ASAP2: variants seen among roughly 807,000 people sequenced by gnomAD.
ASAP2 encodes ArfGAP with SH3 domain, ankyrin repeat and PH domain 2, also known as arf-GAP with SH3 domain, ANK repeat and PH domain-containing protein 2.
A neutral mutation model predicts 131.4 loss-of-function variants in ASAP2; 45 were observed. The ratio of observed to expected loss-of-function variants is 0.34; its 90% confidence interval spans 0.27 to 0.44. The LOEUF is 0.44. Ranked by LOEUF, ASAP2 falls within the 20% of genes least tolerant of loss-of-function variation. The pLI is 1.00. For synonymous variants in ASAP2, 510 were observed against 503.0 expected, an observed-to-expected ratio of 1.01 and a Z score of -0.19; for missense variants, 1,011 against 1,297.0, an observed-to-expected ratio of 0.78 and a Z score of 3.39.
At chr2:9,254,353 C>CTTT (rs777033631) in intron 1 of ASAP2, among the ~76,000 whole-genome samples, 1 of 103,962 alleles carries the variant, frequency 9.6e-6, no homozygotes, top group Non-Finnish European at 1.9e-5. Context: ...ATAAACTAAA[C>CTTT]TTTTTTTTTT....
intron 14 of ASAP2, among the ~76,000 whole-genome samples, chr2:9,357,277 A>G (rs576259108): frequency 1.3e-5 from 2 of 152,024 alleles, no homozygotes; most frequent in East Asian, 3.9e-4. Flanking sequence ...TCAGGAGTTC[A>G]AGACCAGCCT....
At chr2:9,308,957 C>A (rs188533850) in intron 3 of ASAP2, among the ~76,000 whole-genome samples, 2 of 152,172 alleles carry the variant, frequency 1.3e-5, no homozygotes, top group African/African-American at 4.8e-5. Flanking sequence ...TTCAGATAAG[C>A]GGCCTTTAGA....
chr2:9,244,277 C>G (rs1211045875), intron 1 of ASAP2, among the ~76,000 whole-genome samples: 1 of 152,168 alleles, frequency 6.6e-6, no homozygotes, highest in East Asian at 1.9e-4. Context: ...GCCTATGTGA[C>G]AGAGTGAGAC....
chr2:9,230,588 G>A (rs1663089110), intron 1 of ASAP2, among the ~76,000 whole-genome samples: 1 of 152,232 alleles, frequency 6.6e-6, no homozygotes, highest in Admixed American at 6.5e-5. Context: ...GTATCTGTGT[G>A]CAGACCTGGG....
Position 9,403,436 on chromosome 2 carries a change from C to T in ASAP2, c.*109C>T. The T allele has an allele frequency of 1.0e-6, 1 of 967,186 alleles. No homozygotes were observed. Among genetic ancestry groups the T allele is most frequent in the Non-Finnish European group, 1.6e-6 (1 of 637,684 alleles). 59.9% of individuals were successfully genotyped at this position (967,186 alleles called of 1,614,324 possible). On this transcript the variant is annotated 3_prime_UTR_variant, in exon 28 of 28. Coordinates refer to ENST00000281419, the MANE Select transcript of ASAP2 (RefSeq NM_003887.3). Reference sequence around the variant, plus strand: ...AACTGTTTGTATGGCAGCCCATGTTCTCTAATGCCACTGCTCTGTTTTAAA... The same window carrying T: ...AACTGTTTGTATGGCAGCCCATGTTTTCTAATGCCACTGCTCTGTTTTAAA...
intron 12 of ASAP2, among the ~76,000 whole-genome samples, chr2:9,352,018 C>T (rs1332652532): frequency 6.6e-6 from 1 of 152,168 alleles, no homozygotes; most frequent in African/African-American, 2.4e-5. Flanking sequence ...CAAAGCTTGC[C>T]TTTCATTCAT....
intron 3 of ASAP2, among the ~76,000 whole-genome samples, chr2:9,318,098 G>A (rs1305860304): frequency 6.6e-6 from 1 of 152,184 alleles, no homozygotes; most frequent in Non-Finnish European, 1.5e-5. Flanking sequence ...GCTTGCTGTG[G>A]AGACTGGGGC....
At chr2:9,394,379 T>C (rs922916411) in intron 24 of ASAP2, among the ~76,000 whole-genome samples, 1 of 152,096 alleles carries the variant, frequency 6.6e-6, no homozygotes, top group Non-Finnish European at 1.5e-5. Context: ...TTAGCCAGGA[T>C]GGTCTCGATC....
intron 16 of ASAP2, among the ~76,000 whole-genome samples, chr2:9,370,870 C>T (rs191022444): frequency 5.9e-5 from 9 of 152,276 alleles, no homozygotes; most frequent in African/African-American, 1.9e-4. Context: ...AAGGAAACGT[C>T]GTGAATCCAG....
intron 1 of ASAP2, among the ~76,000 whole-genome samples, chr2:9,270,476 A>G (rs1303872897): frequency 6.6e-6 from 1 of 152,066 alleles, no homozygotes; most frequent in Non-Finnish European, 1.5e-5. Flanking sequence ...TTTATGGGGT[A>G]CATGGGATAT....
intron 3 of ASAP2, among the ~76,000 whole-genome samples, chr2:9,317,938 C>T (rs1441218884): frequency 1.3e-5 from 2 of 152,230 alleles, no homozygotes; most frequent in East Asian, 1.9e-4. Context: ...CACCTTTACA[C>T]ACCCACAACA....
rs530222837 is a variant in ASAP2 at position 9,314,872 on chromosome 2, G to A, written c.346-3652G>A. Among the ~76,000 whole-genome samples, 37 of 150,444 alleles carry A rather than the reference G, an allele frequency of 2.5e-4. No individual in the cohort carries two copies. In the South Asian group the frequency reaches 5.1e-3, roughly 21 times the overall value. Reference sequence around the variant, plus strand: ...CTTGAACCTGGAAAGCAGAGGTTGCGGTGAGCCGAGATCACGCCACTGCAC... The same window carrying A: ...CTTGAACCTGGAAAGCAGAGGTTGCAGTGAGCCGAGATCACGCCACTGCAC... On this transcript the variant is annotated intron_variant, in intron 3 of 27. Transcript: ENST00000281419.
chr2:9,307,463 A>C (rs1373432028), intron 3 of ASAP2, among the ~76,000 whole-genome samples: 2 of 152,242 alleles, frequency 1.3e-5, no homozygotes, highest in African/African-American at 2.4e-5. Flanking sequence ...TGATGGCTTC[A>C]GCAAATGTTT....
intron 2 of ASAP2, among the ~76,000 whole-genome samples, chr2:9,285,907 A>G (rs1395528794): frequency 2.0e-5 from 3 of 152,224 alleles, no homozygotes; most frequent in Admixed American, 6.5e-5. Context: ...TCTCCCACAT[A>G]CAAAAGAAAA....
chr2:9,243,209 C>T (rs571425119), intron 1 of ASAP2, among the ~76,000 whole-genome samples: 19 of 152,196 alleles, frequency 1.2e-4, no homozygotes, highest in Admixed American at 6.5e-4. Context: ...CCCGGGTTCA[C>T]GCCATTCTCC....
intron 7 of ASAP2, among the ~76,000 whole-genome samples, chr2:9,331,061 G>T (rs529285931): frequency 6.6e-6 from 1 of 152,190 alleles, no homozygotes; most frequent in Non-Finnish European, 1.5e-5. Context: ...GTGTGGGAGC[G>T]CCTCTCATTC....
intron 20 of ASAP2, 126 bp from the exon 21 acceptor site, chr2:9,385,119 G>C: frequency 1.5e-6 from 1 of 671,792 alleles, no homozygotes. Context: ...CTTCACCTGA[G>C]ACCCAGAGAT....
intron 1 of ASAP2, among the ~76,000 whole-genome samples, chr2:9,223,182 A>G (rs757211831): frequency 1.3e-5 from 2 of 152,182 alleles, no homozygotes; most frequent in Non-Finnish European, 2.9e-5. Flanking sequence ...TTATTGTTCT[A>G]TATTTTAAAA....
intron 12 of ASAP2, among the ~76,000 whole-genome samples, chr2:9,354,850 G>T (rs1451000856): frequency 7.9e-5 from 12 of 152,160 alleles, no homozygotes. Flanking sequence ...CTACAGAGAG[G>T]TGGCGTGTCC....
Sources: allele counts gnomAD v4.1 joint callset (sites outside exome capture counted in the v4.1 genomes callset), GRCh38; gene constraint gnomAD v4.1.1; transcripts MANE v1.5; gene names NCBI Gene and HGNC (gene_info 2026-07-23, HGNC 2026-07-21).